Variants in ANK3 observed in about 807,000 individuals in gnomAD.
ANK3 encodes the protein ankyrin-3.
A neutral mutation model predicts 370.9 loss-of-function variants in ANK3; 57 were observed. That is an observed-to-expected ratio of 0.15 (90% CI 0.12 to 0.19). The LOEUF is 0.19. ANK3 is among the 10% of genes least tolerant of loss of function. ANK3 has a pLI of 1.00. For missense variants in ANK3, 4,439 were observed against 5,302.1 expected (o/e 0.84, Z 5.06); for synonymous variants, 1,929 against 1,946.3 (o/e 0.99, Z 0.23).
intron 1 of ANK3, among the ~76,000 whole-genome samples, chr10:60,369,225 A>G (rs534345676): frequency 6.6e-6 from 1 of 152,374 alleles, no homozygotes; most frequent in Non-Finnish European, 1.5e-5. Flanking sequence ...CTGCACATTT[A>G]CACGAAAGCT....
At chr10:60,351,556 C>T (rs1023254306) in intron 1 of ANK3, among the ~76,000 whole-genome samples, 8 of 152,328 alleles carry the variant, frequency 5.3e-5, no homozygotes, top group Admixed American at 5.2e-4. Context: ...TAAAAGACTA[C>T]TCATTTGCAT....
chr10:60,546,396 T>C (rs1313428688), intron 2 of ANK3, among the ~76,000 whole-genome samples: 1 of 152,226 alleles, frequency 6.6e-6, no homozygotes, highest in Admixed American at 6.5e-5. Flanking sequence ...TACCATGCAA[T>C]ATTATTGCAA....
chr10:60,071,533 T>A lies in ANK3; in HGVS notation c.9348A>T (p.Lys3116Asn). Residue 3116 changes from lysine to asparagine, a missense_variant, in exon 37 of 44, where the codon AAA (lysine) becomes AAT (asparagine). Around this residue, in one of 13 missense-constraint regions of ANK3, gnomAD observed 1,601 missense variants for 1,731.7 expected, o/e 0.92. Coordinates refer to ENST00000280772, the MANE Select transcript of ANK3 (RefSeq NM_020987.5). ...CTGTCTTACATTCCTGACTTATGATTTTTTTTACACCTCCTTGTTGTATCT... is the reference window on the plus strand; with the variant it reads ...CTGTCTTACATTCCTGACTTATGATATTTTTTACACCTCCTTGTTGTATCT... ...EKEIQQGGVK[K>N]IISQECKTVQ... The A allele has an allele frequency of 4.3e-6, 7 of 1,613,840 alleles. No homozygotes were observed. Among genetic ancestry groups the A allele is most frequent in the Non-Finnish European group, 5.9e-6 (7 of 1,179,758 alleles).
Position 60,263,909 on chromosome 10 carries a change from C to T in ANK3, c.625G>A (p.Ala209Thr), listed in dbSNP as rs147699902. 11 of 1,613,880 alleles carry T rather than the reference C, an allele frequency of 6.8e-6. No individual in the cohort carries two copies. The highest frequency in any genetic ancestry group is 2.2e-5 in the East Asian group (1 of 44,874). Reference protein sequence around the residue: ...GKVRLPALHIAARKDDTKAAA... With the variant: ...GKVRLPALHITARKDDTKAAA... ...GCTTTCGTGTCGTCTTTTCGGGCCG[C>T]GATATGAAGAGCTGGGAGACGCACT... The change falls in exon 6 of 44, where the codon GCG becomes ACG. Residue 209 changes from alanine to threonine, a missense_variant. Around this residue, in one of 13 missense-constraint regions of ANK3, gnomAD observed 136 missense variants for 230.5 expected, o/e 0.59. Coordinates refer to ENST00000280772, the MANE Select transcript of ANK3 (RefSeq NM_020987.5).
At chr10:60,292,783 C>T (rs1310633924) in intron 1 of ANK3, among the ~76,000 whole-genome samples, 1 of 151,012 alleles carries the variant, frequency 6.6e-6, no homozygotes, top group Non-Finnish European at 1.5e-5. Context: ...TCTCAGCTCA[C>T]TGCAACCTCC....
rs946050294 is a variant in ANK3, at chr10:60,028,003, C to T, written c.*1843G>A. On this transcript the variant is annotated 3_prime_UTR_variant, in exon 44 of 44. Coordinates refer to ENST00000280772, the MANE Select transcript of ANK3 (RefSeq NM_020987.5). Reference sequence around the variant, plus strand: ...AGCAACTTAATTATGTGAAATGTCCCAACTTGTAAGAATGGACAATAAATG... The same window carrying T: ...AGCAACTTAATTATGTGAAATGTCCTAACTTGTAAGAATGGACAATAAATG... The T allele has an allele frequency of 1.4e-4, 21 of 152,078 alleles. No homozygotes were observed. The highest frequency in any genetic ancestry group is 2.9e-5 in the Non-Finnish European group (2 of 68,008). The allele number at this position is 152,078 out of a possible 1,614,324, so 9.4% of individuals were successfully genotyped here. A position where few individuals can be genotyped will look rare whatever the true frequency, so the allele number is the denominator to read the frequency against.
chr10:60,456,271 T>A (rs1038822226), intron 2 of ANK3, among the ~76,000 whole-genome samples: 3 of 152,170 alleles, frequency 2.0e-5, no homozygotes, highest in African/African-American at 7.2e-5. Context: ...TGGGGAAACA[T>A]AGCGCATCTT....
At chr10:60,382,688 A>G (rs145172150) in intron 1 of ANK3, among the ~76,000 whole-genome samples, 1 of 151,828 alleles carries the variant, frequency 6.6e-6, no homozygotes, top group Non-Finnish European at 1.5e-5. Flanking sequence ...TTTGGGCAAA[A>G]CTATAGCAAA....
At chr10:60,574,629 G>T (rs1402082507) in intron 2 of ANK3, among the ~76,000 whole-genome samples, 2 of 152,160 alleles carry the variant, frequency 1.3e-5, no homozygotes, top group African/African-American at 4.8e-5. Context: ...GAAATCTGGG[G>T]AACTGGCAGT....
At chr10:60,652,728 A>G (rs1003248812) in intron 1 of ANK3, among the ~76,000 whole-genome samples, 1 of 151,984 alleles carries the variant, frequency 6.6e-6, no homozygotes, top group African/African-American at 2.4e-5. Context: ...GGGCAAAGAA[A>G]TGGGACCACG....
At chr10:60,460,442 TA>T (rs2064855560) in intron 2 of ANK3, among the ~76,000 whole-genome samples, 1 of 152,176 alleles carries the variant, frequency 6.6e-6, no homozygotes, top group Admixed American at 6.6e-5. Context: ...ACATTTTTCC[TA>T]AGTCTCTTGA....
chr10:60,642,534 A>G (rs2078648922), intron 1 of ANK3, among the ~76,000 whole-genome samples: 1 of 152,188 alleles, frequency 6.6e-6, no homozygotes. Flanking sequence ...TCACAAGGAC[A>G]GAAAACCAAA....
intron 2 of ANK3, among the ~76,000 whole-genome samples, chr10:60,566,216 T>C (rs547865960): frequency 2.2e-4 from 34 of 152,312 alleles, no homozygotes; most frequent in Admixed American, 7.8e-4. Context: ...TTCTGACTGC[T>C]CCACTGACAT....
At chr10:60,350,349 C>T (rs1330920590) in intron 1 of ANK3, among the ~76,000 whole-genome samples, 1 of 152,076 alleles carries the variant, frequency 6.6e-6, no homozygotes, top group East Asian at 1.9e-4. Flanking sequence ...ACAGCTTAAA[C>T]AAACAGAGGA....
chr10:60,687,352 T>G (rs59316510), intron 1 of ANK3, among the ~76,000 whole-genome samples: 1,793 of 152,056 alleles, frequency 0.012, 35 homozygotes, highest in African/African-American at 0.041. Flanking sequence ...AAAAAGCAAA[T>G]AAACACCTAG....
At chr10:60,371,520 G>C (rs1237832840) in intron 1 of ANK3, among the ~76,000 whole-genome samples, 1 of 152,112 alleles carries the variant, frequency 6.6e-6, no homozygotes, top group Non-Finnish European at 1.5e-5. Flanking sequence ...AAAAATATTT[G>C]AACCAAAATG....
intron 2 of ANK3, among the ~76,000 whole-genome samples, chr10:60,572,073 A>C (rs2077613339): frequency 6.6e-6 from 1 of 152,178 alleles, no homozygotes; most frequent in Non-Finnish European, 1.5e-5. Flanking sequence ...GTTAAAGCTA[A>C]ACATCTATAC....
intron 2 of ANK3, among the ~76,000 whole-genome samples, chr10:60,591,264 A>G (rs1007185190): frequency 1.3e-5 from 2 of 152,074 alleles, no homozygotes; most frequent in Non-Finnish European, 2.9e-5. Context: ...TCAAATCTGC[A>G]AACTATCCAA....
At chr10:60,710,519 T>C (rs1032357986) in intron 1 of ANK3, among the ~76,000 whole-genome samples, 1 of 152,182 alleles carries the variant, frequency 6.6e-6, no homozygotes, top group Non-Finnish European at 1.5e-5. Flanking sequence ...ATTCATAAAA[T>C]ACCTTTTTCT....
Sources: allele counts gnomAD v4.1 joint callset (sites outside exome capture counted in the v4.1 genomes callset), GRCh38; gene constraint gnomAD v4.1.1; regional missense constraint gnomAD v4.1.1; transcripts MANE v1.5; gene names NCBI Gene and HGNC (gene_info 2026-07-23, HGNC 2026-07-21).